GMDS: variants seen among roughly 807,000 people sequenced by gnomAD.
GMDS encodes the protein GDP-mannose 4,6-dehydratase.
In GMDS, 20 loss-of-function variants were observed where a neutral mutation model predicts 49.9. That is an observed-to-expected ratio of 0.40 (90% CI 0.28 to 0.58). The LOEUF (loss-of-function observed/expected upper bound fraction) is 0.58. Ranked by LOEUF, GMDS falls within the 20% of genes least tolerant of loss-of-function variation. The pLI, the probability that GMDS is intolerant of heterozygous loss-of-function variation, is 0.42. For synonymous variants in GMDS, 177 were observed against 178.6 expected (o/e 0.99, Z 0.07); for missense variants, 362 against 481.4 (o/e 0.75, Z 2.32).
chr6:1,736,143 A>G (rs1007854893), intron 8 of GMDS, among the ~76,000 whole-genome samples: 2 of 152,212 alleles, frequency 1.3e-5, no homozygotes, highest in African/African-American at 4.8e-5. Flanking sequence ...ACAGCCCAGC[A>G]TGACATCAGG....
chr6:1,644,959 G>A (rs1011278272), intron 9 of GMDS, among the ~76,000 whole-genome samples: 8 of 150,056 alleles, frequency 5.3e-5, no homozygotes, highest in Non-Finnish European at 1.0e-4. Context: ...TAAACGAGAC[G>A]GAGTCTTGCT....
chr6:1,729,705 G>T lies in GMDS; in HGVS notation c.891-3193C>A, dbSNP rs753460244. 1.4e-4 allele frequency among the ~76,000 whole-genome samples: 22 copies of T among 152,346 alleles called. No homozygotes were observed. In the South Asian group the frequency reaches 2.7e-3, roughly 19 times the overall value. ...TGAAGTGACGGTGGCTTGACAGAGA[G>T]GAGAGGATTCGGTTAATTAACAAGA... On this transcript the variant is annotated intron_variant, in intron 8 of 10. Coordinates refer to ENST00000380815, the MANE Select transcript of GMDS (RefSeq NM_001500.4).
At chr6:1,909,380 CA>C (rs1244336772) in intron 7 of GMDS, among the ~76,000 whole-genome samples, 1 of 152,188 alleles carries the variant, frequency 6.6e-6, no homozygotes. Flanking sequence ...CTGCCTAGTA[CA>C]AATCAAAGAC....
At chr6:1,860,517 G>C (rs2113783881) in intron 7 of GMDS, among the ~76,000 whole-genome samples, 1 of 152,210 alleles carries the variant, frequency 6.6e-6, no homozygotes, top group African/African-American at 2.4e-5. Context: ...TGTGCAAGAT[G>C]GATTGTTCTA....
At chr6:1,690,464 T>G (rs6931095) in intron 9 of GMDS, among the ~76,000 whole-genome samples, 1 of 152,128 alleles carries the variant, frequency 6.6e-6, no homozygotes, top group African/African-American at 2.4e-5. Context: ...CAATACTTTA[T>G]GAAATAGGGA....
intron 4 of GMDS, among the ~76,000 whole-genome samples, chr6:2,044,464 G>A (rs1391670020): frequency 6.6e-6 from 1 of 152,088 alleles, no homozygotes; most frequent in East Asian, 1.9e-4. Context: ...TGGAGGAACA[G>A]GAAAACCAAA....
chr6:2,077,347 T>TAAG (rs1304537126), intron 4 of GMDS, among the ~76,000 whole-genome samples: 1 of 152,176 alleles, frequency 6.6e-6, no homozygotes. Context: ...ATGGGCATCC[T>TAAG]GGTATTGTTT....
At position 2,046,392 on chromosome 6, in the gene GMDS, A is replaced by C. The variant is rs191210307; in HGVS notation, c.345+69379T>G. 2.3e-3 allele frequency among the ~76,000 whole-genome samples: 345 copies of C among 152,314 alleles called. 4 individuals carry two copies. The highest frequency in any genetic ancestry group is 7.5e-3 in the African/African-American group (313 of 41,560). ...AGGAAATACCCATTAATCAAACCTA[A>C]AAAGTAACACATTTACAAATCACAG... On this transcript the variant is annotated intron_variant, in intron 4 of 10. Transcript: ENST00000380815.
At chr6:1,902,660 C>T (rs1274309839) in intron 7 of GMDS, among the ~76,000 whole-genome samples, 1 of 152,144 alleles carries the variant, frequency 6.6e-6, no homozygotes, top group South Asian at 2.1e-4. Context: ...TAGTAAGACG[C>T]TATATATGAC....
chr6:1,942,428 C>T (rs762235709), intron 6 of GMDS, among the ~76,000 whole-genome samples: 24 of 152,182 alleles, frequency 1.6e-4, no homozygotes, highest in Non-Finnish European at 3.1e-4. Flanking sequence ...ACCCTGCCAT[C>T]CTGACTGCAC....
chr6:2,126,929 G>A (rs933431419), intron 1 of GMDS, among the ~76,000 whole-genome samples: 1 of 152,100 alleles, frequency 6.6e-6, no homozygotes, highest in Admixed American at 6.5e-5. Context: ...ACCATGCCAG[G>A]GCTAAAATCT....
intron 7 of GMDS, among the ~76,000 whole-genome samples, chr6:1,926,290 G>T (rs1221657774): frequency 6.6e-6 from 1 of 152,168 alleles, no homozygotes; most frequent in Non-Finnish European, 1.5e-5. Flanking sequence ...AACTGAAAGA[G>T]CACCCTGTAA....
intron 7 of GMDS, among the ~76,000 whole-genome samples, chr6:1,890,448 G>C (rs907463153): frequency 6.6e-6 from 1 of 152,134 alleles, no homozygotes; most frequent in Non-Finnish European, 1.5e-5. Context: ...TGAGTTGTAA[G>C]AGTTCTTTAT....
Position 1,836,902 on chromosome 6 carries a change from CA to C in GMDS, c.771+93200del, listed in dbSNP as rs1561836993. Among the ~76,000 whole-genome samples, 2 of 152,174 alleles carry C rather than the reference CA, an allele frequency of 1.3e-5. No individual in the cohort carries two copies. The highest frequency in any genetic ancestry group is 6.5e-5 in the Admixed American group (1 of 15,276). ...TTAGACAGAGGGATTTAATGATATC[CA>C]GCTGCTATTCTTTGGTACTTGCTGA... On this transcript the variant is annotated intron_variant, in intron 7 of 10. Coordinates refer to ENST00000380815, the MANE Select transcript of GMDS (RefSeq NM_001500.4). This position sits in a 1 kb window ranked among gnomAD's most constrained non-coding sequence, Gnocchi z 4.2.
At chr6:1,765,255 T>C (rs1049996140) in intron 7 of GMDS, among the ~76,000 whole-genome samples, 2 of 152,246 alleles carry the variant, frequency 1.3e-5, no homozygotes, top group Admixed American at 1.3e-4. Flanking sequence ...AACACCATTT[T>C]CCTAATTATC....
intron 1 of GMDS, among the ~76,000 whole-genome samples, chr6:2,201,650 G>A (rs1779540497): frequency 1.6e-5 from 2 of 122,396 alleles, no homozygotes; most frequent in Admixed American, 8.2e-5. Flanking sequence ...GGCAGTGAGG[G>A]CAGCATGTTA....
intron 7 of GMDS, among the ~76,000 whole-genome samples, chr6:1,886,058 G>A (rs531923791): frequency 6.6e-6 from 1 of 152,224 alleles, no homozygotes; most frequent in Admixed American, 6.5e-5. Context: ...TTCCTGCTTG[G>A]TCATTTGTCT....
At chr6:1,914,871 G>T (rs931412657) in intron 7 of GMDS, among the ~76,000 whole-genome samples, 10 of 152,224 alleles carry the variant, frequency 6.6e-5, no homozygotes, top group Admixed American at 2.0e-4. Context: ...TGAGTGAGGT[G>T]CTAGGCCCTC....
At chr6:2,200,907 T>TAAC (rs1779494834) in intron 1 of GMDS, among the ~76,000 whole-genome samples, 1 of 102,632 alleles carries the variant, frequency 9.7e-6, no homozygotes, top group African/African-American at 3.9e-5. Flanking sequence ...ATCCGAAATG[T>TAAC]AACCATCTAG....
Sources: gnomAD v4.1 joint callset for allele counts (sites outside exome capture counted in the v4.1 genomes callset) on GRCh38, gnomAD v4.1.1 for gene constraint, Gnocchi (gnomAD v3.1) non-coding constraint, MANE v1.5 for transcripts, NCBI Gene and HGNC (gene_info 2026-07-23, HGNC 2026-07-21) for gene names.